The following SRGAP2C variants were observed in gnomAD, a reference collection of about 807,000 sequenced individuals.
SRGAP2C encodes the protein SLIT-ROBO Rho GTPase activating protein 2C.
In SRGAP2C, 15 loss-of-function variants were observed where a neutral mutation model predicts 25.1. That is an observed-to-expected ratio of 0.60 (90% CI 0.40 to 0.92). The LOEUF is 0.92. Among genes scored for constraint, SRGAP2C ranks in the 40% least tolerant of loss-of-function variants. The pLI is 0.00. For missense variants in SRGAP2C, 144 were observed against 264.4 expected, an observed-to-expected ratio of 0.54 and a Z score of 3.16; for synonymous variants, 44 against 96.6, an observed-to-expected ratio of 0.46 and a Z score of 3.19.
chr1:121,255,697 AAT>A (rs1656443646), intron 2 of SRGAP2C, among the ~76,000 whole-genome samples: 2 of 151,594 alleles, frequency 1.3e-5, no homozygotes, highest in Non-Finnish European at 2.9e-5. Flanking sequence ...ATGTGCCTGT[AAT>A]CCCAGCTACT....
intron 2 of SRGAP2C, among the ~76,000 whole-genome samples, chr1:121,258,623 AC>A (rs1553332931): frequency 6.7e-6 from 1 of 149,688 alleles, no homozygotes; most frequent in Non-Finnish European, 1.5e-5. Flanking sequence ...GTGCCACCAC[AC>A]CCGGCTAATT....
chr1:121,203,260 G>A (rs1436106621), intron 2 of SRGAP2C, among the ~76,000 whole-genome samples: 1 of 152,074 alleles, frequency 6.6e-6, no homozygotes, highest in Non-Finnish European at 1.5e-5. Context: ...GATATCGAAG[G>A]CTATGTGGAT....
intron 3 of SRGAP2C, among the ~76,000 whole-genome samples, chr1:121,293,835 T>C (rs1657540971): frequency 3.7e-5 from 4 of 106,738 alleles, no homozygotes. Context: ...GCAGCAACTC[T>C]GAACAGACCC....
chr1:121,321,038 G>A (rs1253761127), intron 3 of SRGAP2C, among the ~76,000 whole-genome samples: 1 of 151,750 alleles, frequency 6.6e-6, no homozygotes, highest in Non-Finnish European at 1.5e-5. Flanking sequence ...ATAAACCTAT[G>A]CAAAGCTACA....
At chr1:121,324,433 G>T in intron 3 of SRGAP2C, 45 bp from the exon 4 acceptor site, 3 of 1,598,046 alleles carry the variant, frequency 1.9e-6, no homozygotes, top group Non-Finnish European at 2.6e-6. Flanking sequence ...TGTTGCCCTG[G>T]CTGTGTATCA....
At position 121,270,969 on chromosome 1, in the gene SRGAP2C, A is replaced by AT. The variant is rs1246844271; in HGVS notation, c.68-13825dup. Among the ~76,000 whole-genome samples, 68 of 147,468 alleles carry AT rather than the reference A, an allele frequency of 4.6e-4. 1 individual carries two copies. The East Asian group carries it at 7.0e-3, about 15-fold the overall frequency. ...CACCACGCCCAGCTACTTTTTTTGT[A>AT]TTTTTTTTTAGTAGAGACGGGGTTT... On this transcript the variant is annotated intron_variant, in intron 2 of 9. Coordinates refer to ENST00000367123, the MANE Select transcript of SRGAP2C (RefSeq NM_001329984.2).
intron 3 of SRGAP2C, among the ~76,000 whole-genome samples, chr1:121,289,092 C>T (rs1264386613): frequency 2.8e-5 from 4 of 143,182 alleles, no homozygotes; most frequent in African/African-American, 7.8e-5. Context: ...GCCAGTCCTG[C>T]GCTGTGCGCT....
intron 3 of SRGAP2C, among the ~76,000 whole-genome samples, chr1:121,307,276 G>A (rs1657862656): frequency 6.7e-6 from 1 of 149,924 alleles, no homozygotes; most frequent in African/African-American, 2.5e-5. Flanking sequence ...ACTTTTTTCT[G>A]TTATTCTCTT....
intron 2 of SRGAP2C, among the ~76,000 whole-genome samples, chr1:121,279,472 T>C (rs1447707062): frequency 6.7e-6 from 1 of 150,260 alleles, no homozygotes; most frequent in Non-Finnish European, 1.5e-5. Flanking sequence ...GGTGTTGTAA[T>C]TTGGAGTCTA....
chr1:121,323,615 CAA>C (rs1163708332), intron 3 of SRGAP2C, among the ~76,000 whole-genome samples: 14 of 28,162 alleles, frequency 5.0e-4, no homozygotes, highest in Admixed American at 7.5e-4. Flanking sequence ...GACTTTGTCT[CAA>C]AAAAAAAAAA....
intron 8 of SRGAP2C, among the ~76,000 whole-genome samples, chr1:121,384,743 C>G (rs1161438848): frequency 6.7e-6 from 1 of 150,104 alleles, no homozygotes; most frequent in Admixed American, 6.7e-5. Context: ...CCTTCTCCCC[C>G]TGTCAGAGCC....
chr1:121,218,655 G>A (rs6697567), intron 2 of SRGAP2C, among the ~76,000 whole-genome samples: 1 of 150,414 alleles, frequency 6.6e-6, no homozygotes, highest in Non-Finnish European at 1.5e-5. Flanking sequence ...GCTAAGGCAC[G>A]AGAATCTCTT....
intron 3 of SRGAP2C, among the ~76,000 whole-genome samples, chr1:121,304,861 T>C (rs1292677904): frequency 6.6e-6 from 1 of 151,160 alleles, no homozygotes; most frequent in African/African-American, 2.4e-5. Context: ...GGTTTATTTA[T>C]TTGTTTGTAT....
chr1:121,392,141 A>G lies in SRGAP2C; in HGVS notation c.*4286A>G, dbSNP rs1660111022. On this transcript the variant is annotated 3_prime_UTR_variant, in exon 10 of 10. Coordinates refer to ENST00000367123, the MANE Select transcript of SRGAP2C (RefSeq NM_001329984.2). ...AAGAAAATGGAAAATACTGTCTCTG[A>G]GAAACAGAAAGAATAAAAAATAAAC... The G allele has an allele frequency of 6.6e-6, 1 of 152,232 alleles. No individual in the cohort carries two copies. Among genetic ancestry groups the G allele is most frequent in the African/African-American group, 2.4e-5 (1 of 41,460 alleles). 9.4% of individuals were successfully genotyped at this position (152,232 alleles called of 1,614,324 possible).
chr1:121,338,614 A>C (rs1241718698), intron 4 of SRGAP2C, among the ~76,000 whole-genome samples: 2 of 120,194 alleles, frequency 1.7e-5, no homozygotes, highest in East Asian at 2.2e-4. Flanking sequence ...GTCTACATCC[A>C]GCTTCTCCCA....
rs1204297504 is a variant in SRGAP2C at position 121,390,952 on chromosome 1, G to A, written c.*3097G>A. 1 of 127,384 alleles carries A rather than the reference G, an allele frequency of 7.9e-6. No homozygotes were observed. Among genetic ancestry groups the A allele is most frequent in the African/African-American group, 2.9e-5 (1 of 34,368 alleles). 7.9% of individuals were successfully genotyped at this position (127,384 alleles called of 1,614,324 possible). A position where few individuals can be genotyped will look rare whatever the true frequency, so the allele number is the denominator to read the frequency against. ...GCTACTCAGGAGGCTAAGGTGGGAG[G>A]ATTACTTGAACTGGGGAGGCATAGG... is the stretch of plus-strand genomic sequence containing the variant. On this transcript the variant is annotated 3_prime_UTR_variant, in exon 10 of 10. Coordinates refer to ENST00000367123, the MANE Select transcript of SRGAP2C (RefSeq NM_001329984.2).
chr1:121,213,044 ATTTTTTTTTTTTT>A, intron 2 of SRGAP2C, among the ~76,000 whole-genome samples: 1 of 129,124 alleles, frequency 7.7e-6, no homozygotes, highest in East Asian at 2.2e-4. Context: ...TAGTTTTCTA[ATTTTTTTTTTTTT>A]TTTTTTTAGA....
rs1656079201 is a variant in SRGAP2C, at chr1:121,239,762, T to G, written c.68-45041T>G. On this transcript the variant is annotated intron_variant, in intron 2 of 9. Transcript: ENST00000367123. ...GCCTATTTTTATGAATAAGCCATATTGGAACAGTCATACAAGAGCAGAGTT... is the reference window on the plus strand; with the variant it reads ...GCCTATTTTTATGAATAAGCCATATGGGAACAGTCATACAAGAGCAGAGTT... Among the ~76,000 whole-genome samples the G allele has an allele frequency of 3.3e-5, 5 of 152,120 alleles. No homozygotes were observed. In the South Asian group the frequency reaches 1.0e-3, roughly 32 times the overall value.
At chr1:121,298,371 C>G (rs1411001764) in intron 3 of SRGAP2C, among the ~76,000 whole-genome samples, 1 of 149,268 alleles carries the variant, frequency 6.7e-6, no homozygotes, top group Non-Finnish European at 1.5e-5. Flanking sequence ...TTGAGGCCCA[C>G]AGGTCCCAAT....
Sources: allele counts gnomAD v4.1 joint callset (sites outside exome capture counted in the v4.1 genomes callset), GRCh38; gene constraint gnomAD v4.1.1; transcripts MANE v1.5; gene names NCBI Gene and HGNC (gene_info 2026-07-23, HGNC 2026-07-21).